Variants in LUZP4 observed in about 807,000 individuals in gnomAD.
LUZP4 encodes the protein HOM-TES-85 tumor antigen.
A neutral mutation model predicts 8.5 loss-of-function variants in LUZP4; 11 were observed. That is an observed-to-expected ratio of 1.30 (90% CI 0.82 to 2.14). The LOEUF is 2.14. LUZP4 is among the 30% of genes most tolerant of loss of function. The pLI is 0.00. For synonymous variants in LUZP4, 104 were observed against 79.4 expected, an observed-to-expected ratio of 1.31 and a Z score of -1.65; for missense variants, 276 against 229.7, an observed-to-expected ratio of 1.20 and a Z score of -1.30.
At chrX:115,298,606 CAATGG>C (rs2073381608) in intron 1 of LUZP4, among the ~76,000 whole-genome samples, 1 of 112,468 alleles carries the variant, frequency 8.9e-6, no homozygotes, top group South Asian at 3.7e-4. Context: ...TTCAGTATGC[CAATGG>C]CATTTTTCCA....
In LUZP4 at chrX:115,303,357, A is replaced by C; in HGVS notation, c.281A>C (p.Gln94Pro). 4.2e-6 allele frequency: 5 copies of C among 1,199,577 alleles called. No homozygotes were observed. The highest frequency in any genetic ancestry group is 3.7e-5 in the South Asian group (2 of 54,149). Residue 94 changes from glutamine (Q) to proline (P), a missense_variant, in exon 3 of 4, where the codon CAA (glutamine) becomes CCA (proline). By Grantham distance (76) the Gln-to-Pro change is moderately conservative (BLOSUM62 -1). Transcript: ENST00000371920. ...GGAAATCATGATAAAAAACCATCCC[A>C]AAAACCTTCTGGATTCAAGTCTGGA... Reference protein sequence around the residue: ...EEGNHDKKPSQKPSGFKSGQH... With the variant: ...EEGNHDKKPSPKPSGFKSGQH...
At chrX:115,293,840 A>C (rs1197072454) in intron 1 of LUZP4, among the ~76,000 whole-genome samples, 1 of 109,192 alleles carries the variant, frequency 9.2e-6, no homozygotes, top group Non-Finnish European at 1.9e-5. Flanking sequence ...AGTCCCAGCT[A>C]CTTGGGAGGC....
At chrX:115,290,212 C>T (rs2073342681) in intron 1 of LUZP4, among the ~76,000 whole-genome samples, 3 of 111,770 alleles carry the variant, frequency 2.7e-5, no homozygotes, top group Middle Eastern at 9.3e-3. Flanking sequence ...CTACTGGCCT[C>T]CTTCAAACAC....
rs202050021 is a variant in LUZP4, at chrX:115,303,462, T to A, written c.342+44T>A. 7 of 680,500 alleles carry A rather than the reference T, an allele frequency of 1.0e-5. No individual in the cohort carries two copies. The East Asian group carries it at 2.6e-4, about 25-fold the overall frequency. The allele number at this position is 680,500 out of a possible 1,213,427, so 56.1% of individuals were successfully genotyped here. A position where few individuals can be genotyped will look rare whatever the true frequency, so the allele number is the denominator to read the frequency against. On this transcript the variant is annotated intron_variant, in intron 3 of 3. Coordinates refer to ENST00000371920, the MANE Select transcript of LUZP4 (RefSeq NM_016383.5). ...TTAACCAATATTAAAAATCCTACAT[T>A]TACTATATTTCCTAATATTAATGAT...
chrX:115,304,568 G>T (rs1193700790), intron 3 of LUZP4, among the ~76,000 whole-genome samples: 1 of 111,048 alleles, frequency 9.0e-6, no homozygotes, highest in African/African-American at 3.3e-5. Context: ...CTGGAATGTG[G>T]TGGTGTGATC....
chrX:115,290,489 C>T (rs1365116808), intron 1 of LUZP4, among the ~76,000 whole-genome samples: 1 of 111,475 alleles, frequency 9.0e-6, no homozygotes. Context: ...GACCTCTACA[C>T]GGAGAGTGGA....
chrX:115,299,038 T>C (rs1182733131), intron 1 of LUZP4, among the ~76,000 whole-genome samples: 1 of 111,904 alleles, frequency 8.9e-6, no homozygotes, highest in East Asian at 2.8e-4. Flanking sequence ...GCTATGGTTC[T>C]TGCAAACTCA....
intron 1 of LUZP4, among the ~76,000 whole-genome samples, chrX:115,293,874 C>A (rs1217864802): frequency 9.1e-6 from 1 of 109,618 alleles, no homozygotes; most frequent in African/African-American, 3.3e-5. Flanking sequence ...TTGCTTGAAC[C>A]CGGGAGGCCG....
rs143548878 is a variant in LUZP4 at position 115,306,224 on chromosome X, A to G, written c.362A>G (p.Tyr121Cys). ...LIEQEKCSDN[Y>C]EAQAEKNQGQ... ...TTTCAGGAGAAGTGCAGTGACAATT[A>G]TGAGGCCCAAGCAGAGAAGAATCAA... The change falls in exon 4 of 4, where the codon TAT becomes TGT. Residue 121 changes from tyrosine (Y) to cysteine (C), a missense_variant. Physicochemically the swap from Tyr to Cys is radical, Grantham distance 194. Transcript: ENST00000371920. 3.6e-5 allele frequency: 43 copies of G among 1,206,735 alleles called. No individual in the cohort carries two copies. Among genetic ancestry groups the G allele is most frequent in the Non-Finnish European group, 4.5e-5 (40 of 893,634 alleles).
At chrX:115,299,028 G>A (rs1556600323) in intron 1 of LUZP4, among the ~76,000 whole-genome samples, 1 of 111,798 alleles carries the variant, frequency 8.9e-6, no homozygotes, top group Non-Finnish European at 1.9e-5. Flanking sequence ...GCCCAGTAAC[G>A]CTATGGTTCT....
At chrX:115,305,776 T>A (rs1443155403) in intron 3 of LUZP4, among the ~76,000 whole-genome samples, 1 of 112,268 alleles carries the variant, frequency 8.9e-6, no homozygotes, top group Non-Finnish European at 1.9e-5. Flanking sequence ...AAAGATAGTT[T>A]CTTTTTAATC....
At chrX:115,293,722 A>G (rs1424622750) in intron 1 of LUZP4, among the ~76,000 whole-genome samples, 2 of 110,855 alleles carry the variant, frequency 1.8e-5, no homozygotes, top group Non-Finnish European at 3.8e-5. Context: ...AGGCTGAGGC[A>G]GGTAGATGAC....
rs782541738 is a variant in LUZP4 at position 115,303,341 on chromosome X, GA to G, written c.266del (p.Asp89ValfsTer18). On this transcript the variant is annotated frameshift_variant, in exon 3 of 4. Coordinates refer to ENST00000371920, the MANE Select transcript of LUZP4 (RefSeq NM_016383.5). LOFTEE classifies it high-confidence loss of function. ...CRSNSEEGNH[D>X]KKPSQKPSGF... ...AAGCAACTCTGAGGAAGGAAATCATGATAAAAAACCATCCCAAAAACCTTCT... is the reference window on the plus strand; with the variant it reads ...AAGCAACTCTGAGGAAGGAAATCATGTAAAAAACCATCCCAAAAACCTTCT... 22 of 1,197,760 alleles carry G rather than the reference GA, an allele frequency of 1.8e-5. No homozygotes were observed. The African/African-American group carries it at 3.5e-4, about 19-fold the overall frequency.
At chrX:115,299,946 C>T (rs909334584) in intron 1 of LUZP4, among the ~76,000 whole-genome samples, 3 of 111,973 alleles carry the variant, frequency 2.7e-5, no homozygotes, top group Non-Finnish European at 5.6e-5. Context: ...TCAAGGCAGT[C>T]GGTTCCCTTC....
intron 1 of LUZP4, among the ~76,000 whole-genome samples, chrX:115,294,663 G>A (rs975091480): frequency 2.7e-5 from 3 of 111,717 alleles, no homozygotes; most frequent in Non-Finnish European, 5.6e-5. Context: ...CAGTCTCTGG[G>A]AGACTGAGAG....
chrX:115,291,095 G>A (rs782377560), intron 1 of LUZP4, among the ~76,000 whole-genome samples: 3 of 110,238 alleles, frequency 2.7e-5, no homozygotes, highest in Admixed American at 1.9e-4. Context: ...CACCGCCCCC[G>A]GCCTAGTTAG....
Position 115,303,361 on chromosome X carries a change from A to C in LUZP4, c.285A>C (p.Lys95Asn). 8.3e-7 allele frequency: 1 copy of C among 1,200,337 alleles called. No homozygotes were observed. Among genetic ancestry groups the C allele is most frequent in the Non-Finnish European group, 1.1e-6 (1 of 889,711 alleles). ...EGNHDKKPSQ[K>N]PSGFKSGQHP... ...ATCATGATAAAAAACCATCCCAAAA[A>C]CCTTCTGGATTCAAGTCTGGACAAC... The change falls in exon 3 of 4, where the codon AAA (lysine) becomes AAC (asparagine). Residue 95 changes from lysine to asparagine, a missense_variant. By Grantham distance (94) the Lys-to-Asn change is moderately conservative (BLOSUM62 0). Coordinates refer to ENST00000371920, the MANE Select transcript of LUZP4 (RefSeq NM_016383.5).
At chrX:115,295,878 T>C (rs2073368658) in intron 1 of LUZP4, among the ~76,000 whole-genome samples, 1 of 112,134 alleles carries the variant, frequency 8.9e-6, no homozygotes, top group East Asian at 2.8e-4. Flanking sequence ...AATCCACAAA[T>C]ATGGATTATC....
At chrX:115,295,864 C>T (rs2073368586) in intron 1 of LUZP4, among the ~76,000 whole-genome samples, 1 of 111,637 alleles carries the variant, frequency 9.0e-6, no homozygotes, top group African/African-American at 3.3e-5. Flanking sequence ...TATGTTGGAC[C>T]ACGAATCCAC....
Sources: allele counts gnomAD v4.1 joint callset (sites outside exome capture counted in the v4.1 genomes callset), GRCh38; gene constraint gnomAD v4.1.1; transcripts MANE v1.5; gene names NCBI Gene and HGNC (gene_info 2026-07-23, HGNC 2026-07-21).